Variants in ZC2HC1B observed in about 807,000 individuals in gnomAD.
ZC2HC1B encodes the protein zinc finger C2HC-type containing 1B, also known as zinc finger C2HC domain-containing protein 1B.
ZC2HC1B carries 36 observed loss-of-function variants against 31.0 expected under a neutral mutation model. The observed-to-expected ratio is 1.16, with a 90% CI of 0.89 to 1.54. ZC2HC1B has a LOEUF of 1.54. Ranked by LOEUF, ZC2HC1B falls within the 40% of genes most tolerant of loss-of-function variation. ZC2HC1B has a pLI of 0.00. For missense variants in ZC2HC1B, 260 were observed against 268.6 expected, an observed-to-expected ratio of 0.97 and a Z score of 0.22; for synonymous variants, 73 against 88.0, an observed-to-expected ratio of 0.83 and a Z score of 0.95.
At chr6:143,897,882 A>G (rs1777686152) in intron 4 of ZC2HC1B, among the ~76,000 whole-genome samples, 2 of 152,158 alleles carry the variant, frequency 1.3e-5, no homozygotes, top group African/African-American at 2.4e-5. Context: ...TCTGTGCCCT[A>G]CTGTGCCATC....
intron 6 of ZC2HC1B, among the ~76,000 whole-genome samples, chr6:143,930,615 G>A (rs1461361945): frequency 6.6e-6 from 1 of 151,948 alleles, no homozygotes; most frequent in Admixed American, 6.6e-5. Flanking sequence ...CTGACCTTGT[G>A]ATCTGCCTGC....
rs1236157489 is a variant in ZC2HC1B at position 143,924,593 on chromosome 6, C to G, written c.599-13056C>G. 1.3e-5 allele frequency among the ~76,000 whole-genome samples: 2 copies of G among 152,088 alleles called. No individual in the cohort carries two copies. The highest frequency in any genetic ancestry group is 2.9e-5 in the Non-Finnish European group (2 of 67,994). On this transcript the variant is annotated intron_variant, in intron 6 of 7. Transcript: ENST00000237275. The surrounding 1 kb of genome is among the most constrained non-coding windows in gnomAD (Gnocchi z 5.2). ...AGTGGTGGAACTGGGTATCCAATGT[C>G]TTGTTACAGGTCTTTCAGCTTCTCC...
Position 143,923,165 on chromosome 6 carries a change from T to C in ZC2HC1B, c.599-14484T>C, listed in dbSNP as rs1044494597. 3.5e-4 allele frequency among the ~76,000 whole-genome samples: 53 copies of C among 152,106 alleles called. No homozygotes were observed. The highest frequency in any genetic ancestry group is 9.1e-4 in the African/African-American group (38 of 41,554). The stretch of plus-strand genomic sequence containing the variant: ...GTCCATTTTTAAGTCCTTTTTTTTT[T>C]CCCTGTAACCAGGGGTGAGAGAGGT... On this transcript the variant is annotated intron_variant, in intron 6 of 7. Transcript: ENST00000237275. This position sits in a 1 kb window ranked among gnomAD's most constrained non-coding sequence, Gnocchi z 4.8.
At chr6:143,891,597 G>A (rs1264228611) in intron 4 of ZC2HC1B, among the ~76,000 whole-genome samples, 1 of 151,448 alleles carries the variant, frequency 6.6e-6, no homozygotes, top group Non-Finnish European at 1.5e-5. Flanking sequence ...TGCTACTCAG[G>A]AGACTGAGGG....
rs1337961300 is a variant in ZC2HC1B at position 143,908,844 on chromosome 6, T to A, written c.598+5692T>A. Among the ~76,000 whole-genome samples the A allele has an allele frequency of 6.6e-6, 1 of 152,208 alleles. No homozygotes were observed. Among genetic ancestry groups the A allele is most frequent in the Non-Finnish European group, 1.5e-5 (1 of 68,038 alleles). ...TAGGAGTGGTGAGAGAGGGCCTCTTTGTCTTGTGCCAGTTTTCAAGGGGAA... is the reference window on the plus strand; with the variant it reads ...TAGGAGTGGTGAGAGAGGGCCTCTTAGTCTTGTGCCAGTTTTCAAGGGGAA... On this transcript the variant is annotated intron_variant, in intron 6 of 7. Coordinates refer to ENST00000237275, the MANE Select transcript of ZC2HC1B (RefSeq NM_001013623.3). This position sits in a 1 kb window ranked among gnomAD's most constrained non-coding sequence, Gnocchi z 4.4.
Position 143,869,632 on chromosome 6 carries a change from G to A in ZC2HC1B, c.28+5065G>A, listed in dbSNP as rs551560151. On this transcript the variant is annotated intron_variant, in intron 1 of 7. Transcript: ENST00000237275. The surrounding 1 kb of genome is among the most constrained non-coding windows in gnomAD (Gnocchi z 5.2). ...CCAGAGTGAGTGTTTATTCCAGTGA[G>A]GAGAAACCTCTGCCTTTTCCATGAT... Among the ~76,000 whole-genome samples the A allele has an allele frequency of 2.3e-4, 35 of 152,336 alleles. No individual in the cohort carries two copies. Among genetic ancestry groups the A allele is most frequent in the African/African-American group, 7.9e-4 (33 of 41,590 alleles).
intron 6 of ZC2HC1B, among the ~76,000 whole-genome samples, chr6:143,928,349 C>T (rs1026010725): frequency 2.0e-5 from 3 of 152,118 alleles, no homozygotes; most frequent in Non-Finnish European, 4.4e-5. Flanking sequence ...ATTTTCCCAG[C>T]ACCGTTTATT....
At chr6:143,925,614 G>A (rs1331593953) in intron 6 of ZC2HC1B, among the ~76,000 whole-genome samples, 6 of 146,880 alleles carry the variant, frequency 4.1e-5, no homozygotes, top group South Asian at 2.2e-4. Context: ...TCGTCTCGCC[G>A]CAACCTCCGC....
intron 4 of ZC2HC1B, among the ~76,000 whole-genome samples, chr6:143,893,981 C>T (rs188406038): frequency 2.1e-4 from 32 of 152,230 alleles, no homozygotes; most frequent in Middle Eastern, 3.4e-3. Flanking sequence ...CCACCGCGCC[C>T]GGCCTGCACT....
At chr6:143,893,977 C>T (rs779180162) in intron 4 of ZC2HC1B, among the ~76,000 whole-genome samples, 76 of 152,180 alleles carry the variant, frequency 5.0e-4, no homozygotes, top group Non-Finnish European at 4.0e-4. Context: ...TGAGCCACCG[C>T]GCCCGGCCTG....
intron 4 of ZC2HC1B, among the ~76,000 whole-genome samples, chr6:143,893,670 T>A (rs571765637): frequency 5.3e-5 from 8 of 152,052 alleles, no homozygotes; most frequent in Non-Finnish European, 1.0e-4. Flanking sequence ...TACAACCATT[T>A]TGCACTGGTA....
chr6:143,868,871 TTA>T lies in ZC2HC1B; in HGVS notation c.28+4306_28+4307del, dbSNP rs1777302669. ...AATGCTGATGCGAAGTCAATAAATC[TTA>T]TGTCACATGATGAAGGAAAAAGTAA... On this transcript the variant is annotated intron_variant, in intron 1 of 7. Transcript: ENST00000237275. This position sits in a 1 kb window ranked among gnomAD's most constrained non-coding sequence, Gnocchi z 4.2. 1.3e-5 allele frequency among the ~76,000 whole-genome samples: 2 copies of T among 152,332 alleles called. No homozygotes were observed. Among genetic ancestry groups the T allele is most frequent in the Non-Finnish European group, 2.9e-5 (2 of 68,026 alleles).
chr6:143,931,239 C>T (rs146022339), intron 6 of ZC2HC1B, among the ~76,000 whole-genome samples: 32 of 152,242 alleles, frequency 2.1e-4, no homozygotes, highest in African/African-American at 6.3e-4. Flanking sequence ...GATACTTCAT[C>T]GGTGGATTTT....
intron 4 of ZC2HC1B, among the ~76,000 whole-genome samples, chr6:143,891,876 A>AT (rs138321367): frequency 0.08 from 12,228 of 152,130 alleles, 913 homozygotes; most frequent in African/African-American, 0.19. Context: ...ACAACTTGGT[A>AT]TGGTGTATCA....
At position 143,886,208 on chromosome 6, in the gene ZC2HC1B, T is replaced by C. The variant is rs974250538; in HGVS notation, c.210+57T>C. ...TTACATTCTGCGGTACTGTAAGGCC[T>C]ATTTCTGGGATTTCTGGTTTCATTT... On this transcript the variant is annotated intron_variant, in intron 3 of 7. Coordinates refer to ENST00000237275, the MANE Select transcript of ZC2HC1B (RefSeq NM_001013623.3). This position sits in a 1 kb window ranked among gnomAD's most constrained non-coding sequence, Gnocchi z 4.2. 4 of 1,389,740 alleles carry C rather than the reference T, an allele frequency of 2.9e-6. No individual in the cohort carries two copies. The African/African-American group carries it at 5.9e-5, about 21-fold the overall frequency. 86.1% of individuals were successfully genotyped at this position (1,389,740 alleles called of 1,614,324 possible). A position where few individuals can be genotyped will look rare whatever the true frequency, so the allele number is the denominator to read the frequency against.
chr6:143,900,341 GATCATGCC>G (rs1196248039), intron 5 of ZC2HC1B, among the ~76,000 whole-genome samples: 1 of 147,060 alleles, frequency 6.8e-6, no homozygotes, highest in Non-Finnish European at 1.5e-5. Flanking sequence ...GGTGAGCCAA[GATCATGCC>G]ATTGCACTCC....
At position 143,919,213 on chromosome 6, in the gene ZC2HC1B, T is replaced by TTCTC. The variant is rs1165272376; in HGVS notation, c.598+16063_598+16066dup. ...ATTCTCCCTTCTGCAGGGTTTGCTA[T>TTCTC]TCTCTGTGTGTGTGTGTGTGTGTGT... On this transcript the variant is annotated intron_variant, in intron 6 of 7. Transcript: ENST00000237275. Among the ~76,000 whole-genome samples, 234 of 125,488 alleles carry TTCTC rather than the reference T, an allele frequency of 1.9e-3. 3 individuals are homozygous for TTCTC. The highest frequency in any genetic ancestry group is 2.9e-3 in the South Asian group (10 of 3,438). 82.3% of individuals were successfully genotyped at this position (125,488 alleles called of 152,430 possible).
At position 143,888,292 on chromosome 6, in the gene ZC2HC1B, T is replaced by A. The variant is rs995662049; in HGVS notation, c.349+1471T>A. Among the ~76,000 whole-genome samples, 8 of 152,222 alleles carry A rather than the reference T, an allele frequency of 5.3e-5. No individual in the cohort carries two copies. In the East Asian group the frequency reaches 1.3e-3, roughly 26 times the overall value. On this transcript the variant is annotated intron_variant, in intron 4 of 7. Transcript: ENST00000237275. ...GTCTTTACACCAGTACCAAACTGTT[T>A]TGAATACTGTAGTATTCTAGTAATT...
At position 143,911,879 on chromosome 6, in the gene ZC2HC1B, C is replaced by T. The variant is rs1562345263; in HGVS notation, c.598+8727C>T. Among the ~76,000 whole-genome samples the T allele has an allele frequency of 2.0e-5, 3 of 152,194 alleles. No individual in the cohort carries two copies. Among genetic ancestry groups the T allele is most frequent in the African/African-American group, 7.2e-5 (3 of 41,450 alleles). ...GTGTGTTTTCCAACTTGGTTCCATT[C>T]TCTCTGTCTCTTTCAGGTACCCCAA... is the stretch of plus-strand genomic sequence containing the variant. On this transcript the variant is annotated intron_variant, in intron 6 of 7. Coordinates refer to ENST00000237275, the MANE Select transcript of ZC2HC1B (RefSeq NM_001013623.3). The surrounding 1 kb of genome is among the most constrained non-coding windows in gnomAD (Gnocchi z 4.5).
Sources: allele counts gnomAD v4.1 joint callset (sites outside exome capture counted in the v4.1 genomes callset), GRCh38; gene constraint gnomAD v4.1.1; non-coding constraint Gnocchi (gnomAD v3.1); transcripts MANE v1.5; gene names NCBI Gene and HGNC (gene_info 2026-07-23, HGNC 2026-07-21).